HSF4: variants seen among roughly 807,000 people sequenced by gnomAD.
HSF4 encodes the protein heat shock factor protein 4.
HSF4 carries 41 observed loss-of-function variants against 52.0 expected under a neutral mutation model. The observed-to-expected ratio is 0.79, with a 90% CI of 0.61 to 1.02. HSF4 has a LOEUF of 1.02. Ranked by LOEUF, HSF4 falls within the 50% of genes least tolerant of loss-of-function variation. The pLI, the probability that HSF4 is intolerant of heterozygous loss-of-function variation, is 0.00. For missense variants in HSF4, 610 were observed against 651.1 expected (o/e 0.94, Z 0.69); for synonymous variants, 285 against 273.0 (o/e 1.04, Z -0.43).
At position 67,169,792 on chromosome 16, in the gene HSF4, G is replaced by A. The variant is rs773062955; in HGVS notation, c.*7G>A. ...AGCCAGTCCCTCCCCCTAAGACCCC[G>A]CGCCTCTGAAGGGGCTTGGAACCAG... On this transcript the variant is annotated 3_prime_UTR_variant, in exon 13 of 13. Transcript: ENST00000521374. The surrounding 1 kb of genome is among the most constrained non-coding windows in gnomAD (Gnocchi z 4.3). 2.2e-5 allele frequency: 35 copies of A among 1,612,934 alleles called. No individual in the cohort carries two copies. Among genetic ancestry groups the A allele is most frequent in the Non-Finnish European group, 2.8e-5 (33 of 1,179,988 alleles).
rs368325207 is a variant in HSF4 at position 67,169,319 on chromosome 16, C to A, written c.1295C>A (p.Ala432Glu). 15 of 1,613,458 alleles carry A rather than the reference C, an allele frequency of 9.3e-6. No homozygotes were observed. Among genetic ancestry groups the A allele is most frequent in the Non-Finnish European group, 1.3e-5 (15 of 1,179,942 alleles). Residue 432 changes from alanine to glutamate, a missense_variant, in exon 12 of 13, where the codon GCG (alanine) becomes GAG (glutamate). Physicochemically the swap from Ala to Glu is moderately radical, Grantham distance 107 (BLOSUM62 -1). Transcript: ENST00000521374. This position sits in a 1 kb window ranked among gnomAD's most constrained non-coding sequence, Gnocchi z 4.3. Reference protein sequence around the residue: ...LVPERGEPELAVKGLNSPSPG... With the variant: ...LVPERGEPELEVKGLNSPSPG... ...CCAGAGCGGGGTGAGCCTGAGCTGG[C>A]GGTCAAGGGGTTAAATTCTCCAAGC...
At position 67,165,623 on chromosome 16, in the gene HSF4, C is replaced by G; in HGVS notation, c.225C>G (p.Leu75=). ...ACATGGCGAGCTTCGTGCGCCAACTCAACATGTGTGAGTCCCTACGGCCGG... is the reference window on the plus strand; with the variant it reads ...ACATGGCGAGCTTCGTGCGCCAACTGAACATGTGTGAGTCCCTACGGCCGG... ...HSNMASFVRQ[L]NMYGFRKVVS... Residue 75 remains leucine (L), a synonymous_variant, in exon 2 of 13, where the codon CTC becomes CTG. Transcript: ENST00000521374. This position sits in a 1 kb window ranked among gnomAD's most constrained non-coding sequence, Gnocchi z 6.9. 1.2e-6 allele frequency: 2 copies of G among 1,613,058 alleles called. No homozygotes were observed. The highest frequency in any genetic ancestry group is 1.7e-6 in the Non-Finnish European group (2 of 1,179,900).
upstream of HSF4, chr16:67,164,401 T>A (rs1451537276): frequency 6.9e-6 from 3 of 433,208 alleles, no homozygotes; most frequent in Non-Finnish European, 1.4e-5. Context: ...CTGCTTGCCC[T>A]GCCTGGGGCT....
upstream of HSF4, chr16:67,164,298 C>CG: frequency 2.6e-6 from 1 of 387,878 alleles, no homozygotes; most frequent in Non-Finnish European, 5.1e-6. Context: ...GACACAGCTG[C>CG]GGGGGGTCAG....
Position 67,169,512 on chromosome 16 carries a change from G to A in HSF4, c.1325-119G>A, listed in dbSNP as rs926315675. On this transcript the variant is annotated intron_variant, in intron 12 of 12. Transcript: ENST00000521374. The surrounding 1 kb of genome is among the most constrained non-coding windows in gnomAD (Gnocchi z 4.3). ...TGCCCTCACCATTGGGCGAGAGTGG[G>A]GAGGTTAAGAATGGATGTTTTATCC... The A allele has an allele frequency of 1.3e-6, 2 of 1,590,362 alleles. No homozygotes were observed. Among genetic ancestry groups the A allele is most frequent in the Non-Finnish European group, 1.7e-6 (2 of 1,174,158 alleles).
Position 67,165,031 on chromosome 16 carries a change from G to T in HSF4, c.123+97G>T. 1 of 1,313,498 alleles carries T rather than the reference G, an allele frequency of 7.6e-7. No homozygotes were observed. The highest frequency in any genetic ancestry group is 1.5e-5 in the South Asian group (1 of 68,464). 81.4% of individuals were successfully genotyped at this position (1,313,498 alleles called of 1,614,324 possible). A position where few individuals can be genotyped will look rare whatever the true frequency, so the allele number is the denominator to read the frequency against. On this transcript the variant is annotated intron_variant, in intron 1 of 12. Coordinates refer to ENST00000521374, the MANE Select transcript of HSF4 (RefSeq NM_001374675.1). This position sits in a 1 kb window ranked among gnomAD's most constrained non-coding sequence, Gnocchi z 6.9. ...CCCAACCCCCTCCTGAGACTGGGCC[G>T]TGGATCCCCGGATTTGGCCATTCAG...
At chr16:67,164,482 C>G (rs1368936210), upstream of HSF4, 3 of 556,844 alleles carry the variant, frequency 5.4e-6, no homozygotes, top group Non-Finnish European at 6.8e-6. Flanking sequence ...GGCGATTTCT[C>G]CTGTAGAACA....
chr16:67,167,634 G>A (rs751005395), intron 8 of HSF4, 35 bp downstream of exon 8: 36 of 1,612,284 alleles, frequency 2.2e-5, no homozygotes, highest in Non-Finnish European at 3.0e-5. Flanking sequence ...AGGGGCCTGT[G>A]GGGGAGGGCC....
At position 67,167,634 on chromosome 16, in the gene HSF4, G is replaced by T. The variant is rs751005395; in HGVS notation, c.854+35G>T. The stretch of plus-strand genomic sequence containing the variant: ...ACAGGGCTGCCCCTGAGGGGCCTGT[G>T]GGGGAGGGCCTGGCAGCCCAGATGG... On this transcript the variant is annotated intron_variant, in intron 8 of 12. Transcript: ENST00000521374. The T allele has an allele frequency of 1.3e-5, 21 of 1,612,284 alleles. No individual in the cohort carries two copies. In the Admixed American group the frequency reaches 1.8e-4, roughly 14 times the overall value.
intron 5 of HSF4, 71 bp from the exon 6 acceptor site, chr16:67,166,487 C>T (rs2031306891): frequency 6.2e-7 from 1 of 1,600,076 alleles, no homozygotes; most frequent in South Asian, 1.1e-5. Context: ...AAGCCTTCCT[C>T]CCTCACCTGG....
rs917624591 is a variant in HSF4, at chr16:67,169,555, G to A, written c.1325-76G>A. The A allele has an allele frequency of 3.1e-6, 5 of 1,598,746 alleles. No individual in the cohort carries two copies. The highest frequency in any genetic ancestry group is 4.2e-6 in the Non-Finnish European group (5 of 1,179,528). ...TTTTATCCTAACTGAGCAGAAGGCA[G>A]GCGGGCAGGGCTCTCCTTCCCTGAA... On this transcript the variant is annotated intron_variant, in intron 12 of 12. Transcript: ENST00000521374. The surrounding 1 kb of genome is among the most constrained non-coding windows in gnomAD (Gnocchi z 4.3).
upstream of HSF4, chr16:67,164,513 G>A (rs1189473101): frequency 3.2e-6 from 2 of 621,352 alleles, no homozygotes; most frequent in African/African-American, 1.8e-5. Flanking sequence ...TAGAGGGACC[G>A]AGAGGGGTGG....
chr16:67,169,204 G>A lies in HSF4; in HGVS notation c.1255-75G>A, dbSNP rs2031554700. 6.2e-7 allele frequency: 1 copy of A among 1,608,138 alleles called. No individual in the cohort carries two copies. Among genetic ancestry groups the A allele is most frequent in the South Asian group, 1.1e-5 (1 of 90,700 alleles). On this transcript the variant is annotated intron_variant, in intron 11 of 12. Coordinates refer to ENST00000521374, the MANE Select transcript of HSF4 (RefSeq NM_001374675.1). The surrounding 1 kb of genome is among the most constrained non-coding windows in gnomAD (Gnocchi z 4.3). Reference sequence around the variant, plus strand: ...CCAAAGCCGTGTCTCTAGAAGAATTGTCACAGTGATTTCCCAGCTGTCCCC... The same window carrying A: ...CCAAAGCCGTGTCTCTAGAAGAATTATCACAGTGATTTCCCAGCTGTCCCC...
In HSF4 at chr16:67,164,823, G is replaced by A; in HGVS notation, c.12G>A (p.Ala4=). The A allele has an allele frequency of 4.4e-6, 7 of 1,600,718 alleles. No individual in the cohort carries two copies. Among genetic ancestry groups the A allele is most frequent in the Non-Finnish European group, 5.9e-6 (7 of 1,178,352 alleles). The part of the protein sequence containing the change: MQE[A]PAALPTEPGP... ...GCCGAGACTGCACCATGCAGGAAGC[G>A]CCAGCTGCGCTGCCCACGGAGCCAG... Residue 4 remains alanine (A), a synonymous_variant, in exon 1 of 13, where the codon GCG becomes GCA. Transcript: ENST00000521374.
intron 1 of HSF4, 49 bp downstream of exon 1, chr16:67,164,983 A>G (rs770970411): frequency 6.5e-7 from 1 of 1,529,134 alleles, no homozygotes; most frequent in Admixed American, 2.0e-5. Context: ...GGGTCCCTCC[A>G]CGTCAGTGAA....
chr16:67,167,209 A>G lies in HSF4; in HGVS notation c.716A>G (p.Tyr239Cys). The G allele has an allele frequency of 2.5e-6, 4 of 1,614,074 alleles. No homozygotes were observed. The highest frequency in any genetic ancestry group is 2.2e-5 in the East Asian group (1 of 44,876). Reference protein sequence around the residue: ...PLPGALLQDPYFIQSPLPETN... With the variant: ...PLPGALLQDPCFIQSPLPETN... ...CCTGGTGCCCTTCTGCAGGACCCCT[A>G]CTTCATCCAGTCGGTAGGTTTGTCT... The change falls in exon 7 of 13, where the codon TAC becomes TGC. Residue 239 changes from tyrosine (Y) to cysteine (C), a missense_variant. Transcript: ENST00000521374.
At chr16:67,167,023 T>G (rs369009053) in intron 6 of HSF4, 97 bp from the exon 7 acceptor site, 12 of 1,558,136 alleles carry the variant, frequency 7.7e-6, no homozygotes, top group East Asian at 6.7e-5. Flanking sequence ...TCTGCTGACT[T>G]GGCTGCTGGG....
rs748371085 is a variant in HSF4 at position 67,165,963 on chromosome 16, C to T, written c.378C>T (p.Gly126=). Residue 126 remains glycine (G), a synonymous_variant, in exon 4 of 13, where the codon GGC becomes GGT. Transcript: ENST00000521374. The surrounding 1 kb of genome is among the most constrained non-coding windows in gnomAD (Gnocchi z 6.9). ...RVRRKVPALR[G]DDGRWRPEDL... ...GCCTGCAGGTGCCCGCGCTGCGCGG[C>T]GACGACGGCCGCTGGCGCCCGGAGG... 4.5e-5 allele frequency: 70 copies of T among 1,563,424 alleles called. No individual in the cohort carries two copies. Among genetic ancestry groups the T allele is most frequent in the Non-Finnish European group, 5.8e-5 (67 of 1,163,548 alleles).
intron 9 of HSF4, 138 bp from the exon 10 acceptor site, chr16:67,168,693 T>C (rs946666271): frequency 1.6e-5 from 11 of 674,990 alleles, no homozygotes; most frequent in East Asian, 2.7e-5. Flanking sequence ...AGTGGGGAGG[T>C]TGGGGGTGGA....
Sources: allele counts gnomAD v4.1 joint callset, GRCh38; gene constraint gnomAD v4.1.1; non-coding constraint Gnocchi (gnomAD v3.1); transcripts MANE v1.5; gene names NCBI Gene and HGNC (gene_info 2026-07-23, HGNC 2026-07-21).